Variants in DCT observed in about 807,000 individuals in gnomAD.
The protein encoded by DCT is dopachrome tautomerase.
In DCT, 47 loss-of-function variants were observed where a neutral mutation model predicts 53.0. That is an observed-to-expected ratio of 0.89 (90% CI 0.70 to 1.13). The LOEUF (loss-of-function observed/expected upper bound fraction) is 1.13, where lower values mean the gene tolerates loss of function less well. Among genes scored for constraint, DCT ranks in the 50% most tolerant of loss-of-function variants. DCT has a pLI of 0.00. For missense variants in DCT, 669 were observed against 637.4 expected (o/e 1.05, Z -0.53); for synonymous variants, 244 against 237.0 (o/e 1.03, Z -0.27).
intron 4 of DCT, 57 bp downstream of exon 4, chr13:94,465,576 T>A: frequency 6.6e-7 from 1 of 1,520,346 alleles, no homozygotes; most frequent in South Asian, 1.2e-5. Flanking sequence ...CTCCTCCATG[T>A]CTCAGACATC....
the DCT span, among the ~76,000 whole-genome samples, chr13:94,523,401 C>CA: frequency 6.6e-6 from 1 of 152,232 alleles, no homozygotes. Context: ...AATTGTCCTA[C>CA]ATGCCCCTCA....
chr13:94,529,771 G>A, the DCT span, among the ~76,000 whole-genome samples: 1 of 152,212 alleles, frequency 6.6e-6, no homozygotes, highest in South Asian at 2.1e-4. Flanking sequence ...GCTAGCAGAA[G>A]GCAAGAAATA....
Position 94,465,775 on chromosome 13 carries a change from C to CA in DCT, c.720dup (p.Ala241CysfsTer15). ...GTGGCAAAGTTCCAGTAGGGCAAAG[C>CA]AAAAGACTCATTGCCAATGAGTCGC... is the stretch of plus-strand genomic sequence containing the variant. On this transcript the variant is annotated frameshift_variant, in exon 4 of 8. Coordinates refer to ENST00000377028, the MANE Select transcript of DCT (RefSeq NM_001922.5). LOFTEE classifies it high-confidence loss of function. 6.2e-7 allele frequency: 1 copy of CA among 1,611,632 alleles called. No homozygotes were observed. Among genetic ancestry groups the CA allele is most frequent in the Non-Finnish European group, 8.5e-7 (1 of 1,178,888 alleles).
At chr13:94,464,134 C>G (rs1884002060) in intron 4 of DCT, among the ~76,000 whole-genome samples, 1 of 152,308 alleles carries the variant, frequency 6.6e-6, no homozygotes, top group East Asian at 1.9e-4. Context: ...GATGATGTCC[C>G]TGCTCGTGGA....
upstream of DCT, among the ~76,000 whole-genome samples, chr13:94,481,831 C>T (rs370347578): frequency 1.1e-4 from 17 of 152,308 alleles, no homozygotes; most frequent in African/African-American, 3.6e-4. Flanking sequence ...TCTTCTCCAT[C>T]TCCACAAAGA....
chr13:94,445,708 C>A, intron 6 of DCT: 3 of 1,576,296 alleles, frequency 1.9e-6, no homozygotes, highest in Admixed American at 1.8e-5. Flanking sequence ...GCCTCCCAGG[C>A]TCATGGTTAC....
the DCT span, among the ~76,000 whole-genome samples, chr13:94,543,998 G>A: frequency 6.7e-6 from 1 of 149,210 alleles, no homozygotes; most frequent in Non-Finnish European, 1.5e-5. Context: ...TCACGCCACT[G>A]TACTCTGGCC....
the DCT span, among the ~76,000 whole-genome samples, chr13:94,521,170 C>T: frequency 1.1e-4 from 16 of 152,286 alleles, no homozygotes; most frequent in South Asian, 3.3e-3. Context: ...GGGCAACTTG[C>T]TTAACCCCTC....
the DCT span, among the ~76,000 whole-genome samples, chr13:94,511,825 AGTGTGTGTGTGTGT>A: frequency 0.19 from 27,471 of 143,714 alleles, 2,783 homozygotes; most frequent in East Asian, 0.49. Flanking sequence ...CAGCATTGTC[AGTGTGTGTGTGTGT>A]GTGTGTGTGT....
the DCT span, among the ~76,000 whole-genome samples, chr13:94,488,731 C>T: frequency 3.1e-3 from 83 of 26,512 alleles, no homozygotes; most frequent in African/African-American, 0.011. Flanking sequence ...TATACACACA[C>T]ACACACACAC....
the DCT span, among the ~76,000 whole-genome samples, chr13:94,523,896 TC>T: frequency 2.6e-5 from 4 of 152,092 alleles, no homozygotes; most frequent in African/African-American, 4.8e-5. Context: ...ATTTTGCATT[TC>T]CCCCAAGCCC....
chr13:94,469,047 T>C lies in DCT; in HGVS notation c.296-2A>G, dbSNP rs202004134. 52 of 1,610,248 alleles carry C rather than the reference T, an allele frequency of 3.2e-5. No homozygotes were observed. In the East Asian group the frequency reaches 8.3e-4, roughly 26 times the overall value. On this transcript the variant is annotated splice_acceptor_variant, in intron 1 of 7. Coordinates refer to ENST00000377028, the MANE Select transcript of DCT (RefSeq NM_001922.5). LOFTEE classifies it high-confidence loss of function. Reference sequence around the variant, plus strand: ...CACAATTATAGCCGGCAAAGTTTCCTAGTTCACAAAACAGAAAGATGGAAA... The same window carrying C: ...CACAATTATAGCCGGCAAAGTTTCCCAGTTCACAAAACAGAAAGATGGAAA...
intron 4 of DCT, among the ~76,000 whole-genome samples, chr13:94,464,739 T>G (rs765066638): frequency 2.0e-5 from 3 of 152,112 alleles, no homozygotes; most frequent in Non-Finnish European, 4.4e-5. Flanking sequence ...AATTTTTGGC[T>G]GAAATGTGTT....
the DCT span, among the ~76,000 whole-genome samples, chr13:94,549,375 C>A: frequency 6.6e-6 from 1 of 152,198 alleles, no homozygotes; most frequent in African/African-American, 2.4e-5. Context: ...CGGCCCGGGT[C>A]GTTCGCGTCT....
At chr13:94,484,305 G>C (rs532985439), upstream of DCT, among the ~76,000 whole-genome samples, 25 of 152,276 alleles carry the variant, frequency 1.6e-4, 1 homozygote, top group South Asian at 4.4e-3. Context: ...TCAAAGACAG[G>C]GGTTCTGTGA....
intron 1 of DCT, among the ~76,000 whole-genome samples, chr13:94,470,085 A>AAAAG (rs1036645930): frequency 6.6e-6 from 1 of 152,080 alleles, no homozygotes; most frequent in Non-Finnish European, 1.5e-5. Context: ...AAAAAGAAAG[A>AAAAG]AAAGAAAGAA....
intron 6 of DCT, chr13:94,444,304 TAAGTGATACTC>T: frequency 2.3e-6 from 1 of 429,124 alleles, no homozygotes; most frequent in Non-Finnish European, 4.6e-6. Flanking sequence ...GCATTTCAGA[TAAGTGATACTC>T]AATCTGTATC....
chr13:94,474,851 T>G (rs1229081403), intron 1 of DCT, among the ~76,000 whole-genome samples: 1 of 152,226 alleles, frequency 6.6e-6, no homozygotes, highest in East Asian at 1.9e-4. Context: ...CTTATTAGGC[T>G]GAAATTACTT....
At chr13:94,543,707 G>C in the DCT span, among the ~76,000 whole-genome samples, 1 of 151,960 alleles carries the variant, frequency 6.6e-6, no homozygotes, top group East Asian at 1.9e-4. Context: ...GTTATTCTTT[G>C]TTAATCCTTT....
Sources: allele counts gnomAD v4.1 joint callset (sites outside exome capture counted in the v4.1 genomes callset), GRCh38; gene constraint gnomAD v4.1.1; transcripts MANE v1.5; gene names NCBI Gene and HGNC (gene_info 2026-07-23, HGNC 2026-07-21).